ADGRG3: variants seen among roughly 807,000 people sequenced by gnomAD.
The protein encoded by ADGRG3 is adhesion G protein-coupled receptor G3.
ADGRG3 carries 39 observed loss-of-function variants against 54.3 expected under a neutral mutation model. That is an observed-to-expected ratio of 0.72 (90% CI 0.56 to 0.94). The LOEUF is 0.94. Among genes scored for constraint, ADGRG3 ranks in the 40% least tolerant of loss-of-function variants. The pLI is 0.00. For missense variants in ADGRG3, 654 were observed against 694.6 expected (o/e 0.94, Z 0.66); for synonymous variants, 312 against 290.0 (o/e 1.08, Z -0.77).
intron 6 of ADGRG3, 72 bp downstream of exon 6, chr16:57,679,927 A>AGCCCC: frequency 8.1e-7 from 1 of 1,233,086 alleles, no homozygotes; most frequent in Non-Finnish European, 1.2e-6. Flanking sequence ...GGGCGGGGCT[A>AGCCCC]GCTCCACTGG....
intron 1 of ADGRG3, 85 bp downstream of exon 1, chr16:57,668,490 A>G (rs74728638): frequency 0.021 from 26,874 of 1,291,158 alleles, 527 homozygotes; most frequent in African/African-American, 0.096. Context: ...AGACGCAGGG[A>G]CTGGAGAAGG....
intron 10 of ADGRG3, among the ~76,000 whole-genome samples, 200 bp downstream of exon 10, chr16:57,684,683 G>C (rs186099130): frequency 6.6e-6 from 1 of 152,326 alleles, no homozygotes; most frequent in East Asian, 1.9e-4. Context: ...AGTGAAATGA[G>C]AGAGGGGGCC....
chr16:57,677,477 G>A (rs2048284152), intron 3 of ADGRG3, among the ~76,000 whole-genome samples: 1 of 152,180 alleles, frequency 6.6e-6, no homozygotes, highest in Non-Finnish European at 1.5e-5. Context: ...AGCTACTTGG[G>A]AGGCTGAGGC....
chr16:57,688,503 G>C lies in ADGRG3; in HGVS notation c.*42G>C, dbSNP rs369737499. 8.6e-7 allele frequency: 1 copy of C among 1,167,222 alleles called. No homozygotes were observed. The highest frequency in any genetic ancestry group is 1.3e-6 in the Non-Finnish European group (1 of 772,694). The allele number at this position is 1,167,222 out of a possible 1,614,324, so 72.3% of individuals were successfully genotyped here. A position where few individuals can be genotyped will look rare whatever the true frequency, so the allele number is the denominator to read the frequency against. On this transcript the variant is annotated 3_prime_UTR_variant, in exon 12 of 12. Transcript: ENST00000333493. ...AATATGGACTCAGCTCTGGCTCTCTGTGTGACCTTGGGCAGCTCCGTGCCT... is the reference window on the plus strand; with the variant it reads ...AATATGGACTCAGCTCTGGCTCTCTCTGTGACCTTGGGCAGCTCCGTGCCT...
At chr16:57,683,549 T>G (rs1353912102) in intron 8 of ADGRG3, among the ~76,000 whole-genome samples, 6 of 152,204 alleles carry the variant, frequency 3.9e-5, no homozygotes, top group African/African-American at 1.2e-4. Context: ...TCATCTCACT[T>G]CTTGCTCACC....
At chr16:57,672,605 C>CA (rs2048182838) in intron 1 of ADGRG3, among the ~76,000 whole-genome samples, 1 of 152,194 alleles carries the variant, frequency 6.6e-6, no homozygotes. Context: ...TAACTTGCCT[C>CA]AGGACATACA....
intron 3 of ADGRG3, 142 bp from the exon 4 acceptor site, chr16:57,678,028 C>T (rs2048294143): frequency 1.1e-6 from 1 of 943,250 alleles, no homozygotes; most frequent in Admixed American, 2.2e-5. Flanking sequence ...CACTGTGCCC[C>T]AGGTGTCCTG....
intron 2 of ADGRG3, among the ~76,000 whole-genome samples, chr16:57,675,932 TTAAAA>T (rs1443444293): frequency 6.6e-6 from 1 of 152,172 alleles, no homozygotes; most frequent in African/African-American, 2.4e-5. Context: ...ATTGGACACT[TTAAAA>T]TGGTTAAAAT....
At chr16:57,680,986 C>G (rs1490271701) in intron 8 of ADGRG3, 1 of 257,536 alleles carries the variant, frequency 3.9e-6, no homozygotes, top group Non-Finnish European at 7.9e-6. Flanking sequence ...CACAGCTTTG[C>G]TCGCCCCTTG....
At chr16:57,686,556 AC>A (rs1252224418) in intron 11 of ADGRG3, among the ~76,000 whole-genome samples, 4 of 152,172 alleles carry the variant, frequency 2.6e-5, no homozygotes, top group Non-Finnish European at 5.9e-5. Context: ...AGAAAAAGCC[AC>A]CCAAACCAAA....
intron 2 of ADGRG3, among the ~76,000 whole-genome samples, chr16:57,674,326 A>G (rs1008643436): frequency 2.6e-5 from 4 of 152,132 alleles, no homozygotes; most frequent in Admixed American, 6.5e-5. Context: ...GGGTGAGGGA[A>G]ATGAAGGGGT....
chr16:57,673,183 T>C, intron 1 of ADGRG3, 138 bp from the exon 2 acceptor site: 1 of 768,868 alleles, frequency 1.3e-6, no homozygotes. Flanking sequence ...CCTGCTCAAG[T>C]GCACCGTTAG....
chr16:57,675,437 C>A lies in ADGRG3; in HGVS notation c.207-763C>A, dbSNP rs572232784. On this transcript the variant is annotated intron_variant, in intron 2 of 11. Coordinates refer to ENST00000333493, the MANE Select transcript of ADGRG3 (RefSeq NM_170776.5). The stretch of plus-strand genomic sequence containing the variant: ...GTCAGGAGTTCGAGACCAGTCTGAC[C>A]AACATGGTGAAACCCCATGTTTCTC... Among the ~76,000 whole-genome samples the A allele has an allele frequency of 3.3e-5, 5 of 152,256 alleles. No individual in the cohort carries two copies. In the East Asian group the frequency reaches 7.7e-4, roughly 24 times the overall value.
chr16:57,680,668 G>A (rs1191945575), intron 8 of ADGRG3, 51 bp downstream of exon 8: 12 of 1,271,120 alleles, frequency 9.4e-6, no homozygotes, highest in Non-Finnish European at 1.4e-5. Flanking sequence ...CTCAAGGGAG[G>A]CAGCAGGGCA....
At chr16:57,666,172 G>A (rs984772885), upstream of ADGRG3, among the ~76,000 whole-genome samples, 1 of 152,156 alleles carries the variant, frequency 6.6e-6, no homozygotes, top group African/African-American at 2.4e-5. Context: ...GAGCCCCATG[G>A]CTGGGCTAGG....
chr16:57,685,743 G>A lies in ADGRG3; in HGVS notation c.1357G>A (p.Val453Met), dbSNP rs2048461260. 1 of 1,614,048 alleles carries A rather than the reference G, an allele frequency of 6.2e-7. No individual in the cohort carries two copies. Among genetic ancestry groups the A allele is most frequent in the African/African-American group, 1.3e-5 (1 of 74,898 alleles). The change falls in exon 11 of 12, where the codon GTG (valine) becomes ATG (methionine). Residue 453 changes from valine to methionine, a missense_variant. Coordinates refer to ENST00000333493, the MANE Select transcript of ADGRG3 (RefSeq NM_170776.5). ...CTTTGGCATGGTGGTCCTGGCCCTG[G>A]TGGTCTGGAAGATCTTCACCCTGTC... Reference protein sequence around the residue: ...FLFGMVVLALVVWKIFTLSRA... With the variant: ...FLFGMVVLALMVWKIFTLSRA...
rs146699188 is a variant in ADGRG3 at position 57,685,239 on chromosome 16, G to T, written c.1257-404G>T. ...TCACAAAGGTGCAGGCAGTGGGCCA[G>T]GTGGGGACTGCAGCGGACTGGCAGT... On this transcript the variant is annotated intron_variant, in intron 10 of 11. Coordinates refer to ENST00000333493, the MANE Select transcript of ADGRG3 (RefSeq NM_170776.5). Among the ~76,000 whole-genome samples, 1,057 of 152,338 alleles carry T rather than the reference G, an allele frequency of 6.9e-3. 10 individuals are homozygous for T. The highest frequency in any genetic ancestry group is 7.9e-3 in the Non-Finnish European group (537 of 68,030).
At chr16:57,674,556 G>A (rs1391676254) in intron 2 of ADGRG3, 4 of 455,230 alleles carry the variant, frequency 8.8e-6, no homozygotes, top group Non-Finnish European at 1.8e-5. Flanking sequence ...TGTTATTTCA[G>A]TGGCCTGAAA....
At chr16:57,682,741 G>C (rs1415870524) in intron 8 of ADGRG3, 2 of 637,184 alleles carry the variant, frequency 3.1e-6, no homozygotes, top group African/African-American at 4.0e-5. Flanking sequence ...TCCAGAGAGA[G>C]GGAGGTGAGC....
Sources: gnomAD v4.1 joint callset for allele counts (sites outside exome capture counted in the v4.1 genomes callset) on GRCh38, gnomAD v4.1.1 for gene constraint, MANE v1.5 for transcripts, NCBI Gene and HGNC (gene_info 2026-07-23, HGNC 2026-07-21) for gene names.